The following EMID1 variants were observed in gnomAD, a reference collection of about 807,000 sequenced individuals.
EMID1 encodes EMI domain-containing protein 1.
In EMID1, 40 loss-of-function variants were observed where a neutral mutation model predicts 60.6. That is an observed-to-expected ratio of 0.66 (90% confidence interval 0.51 to 0.86). The LOEUF (loss-of-function observed/expected upper bound fraction) is 0.86, where lower values mean the gene tolerates loss of function less well. EMID1 is among the 40% of genes least tolerant of loss of function. The pLI, the probability that EMID1 is intolerant of heterozygous loss-of-function variation, is 0.00. For synonymous variants in EMID1, 242 were observed against 231.0 expected (o/e 1.05, Z -0.43); for missense variants, 585 against 597.1 (o/e 0.98, Z 0.21).
intron 13 of EMID1, among the ~76,000 whole-genome samples, chr22:29,253,683 G>T (rs2041602890): frequency 6.6e-6 from 1 of 152,154 alleles, no homozygotes; most frequent in African/African-American, 2.4e-5. Context: ...TATTCATTTG[G>T]GCATAAGTGG....
chr22:29,213,641 T>TC lies in EMID1; in HGVS notation c.102-1284dup, dbSNP rs528138036. Among the ~76,000 whole-genome samples, 9 of 152,182 alleles carry TC rather than the reference T, an allele frequency of 5.9e-5. No homozygotes were observed. In the South Asian group the frequency reaches 1.5e-3, roughly 25 times the overall value. ...GTGAAGGCCGGGACATTCCAGGTGC[T>TC]CAGCAGCCCTCAGCCCTGCACAGGG... is the stretch of plus-strand genomic sequence containing the variant. On this transcript the variant is annotated intron_variant, in intron 1 of 14. Transcript: ENST00000334018.
chr22:29,232,310 G>A lies in EMID1; in HGVS notation c.731G>A (p.Gly244Glu), dbSNP rs1166228917. The change falls in exon 8 of 15, where the codon GGA becomes GAA. Residue 244 changes from glycine to glutamate, a missense_variant. Coordinates refer to ENST00000334018, the MANE Select transcript of EMID1 (RefSeq NM_133455.4). ...CGGGCTGGAGCTGTGGGCACCCCTGGAGAGAGGGGACCTCCTGGGCCACCA... is the reference window on the plus strand; with the variant it reads ...CGGGCTGGAGCTGTGGGCACCCCTGAAGAGAGGGGACCTCCTGGGCCACCA... ...PGRAGAVGTP[G>E]ERGPPGPPGP... The A allele has an allele frequency of 1.9e-6, 3 of 1,610,878 alleles. No homozygotes were observed. Among genetic ancestry groups the A allele is most frequent in the Non-Finnish European group, 2.5e-6 (3 of 1,179,590 alleles).
At chr22:29,237,104 T>TTAGAATTTCC (rs1232350146) in intron 12 of EMID1, among the ~76,000 whole-genome samples, 2 of 111,698 alleles carry the variant, frequency 1.8e-5, no homozygotes, top group African/African-American at 9.1e-5. Flanking sequence ...TACTATTTTC[T>TTAGAATTTCC]ATTTGTTTTC....
intron 3 of EMID1, among the ~76,000 whole-genome samples, chr22:29,222,238 C>T (rs1290589151): frequency 2.6e-5 from 4 of 152,044 alleles, no homozygotes; most frequent in African/African-American, 9.7e-5. Flanking sequence ...GGACTACAGG[C>T]ATGCGCCACC....
At chr22:29,254,138 G>A (rs1015727632) in intron 13 of EMID1, 65 bp from the exon 14 acceptor site, 41 of 1,607,946 alleles carry the variant, frequency 2.5e-5, no homozygotes, top group Non-Finnish European at 3.2e-5. Flanking sequence ...ATGGGCCACC[G>A]ACGGGCTTTG....
chr22:29,217,294 G>C (rs1218609365), intron 3 of EMID1, among the ~76,000 whole-genome samples: 1 of 152,252 alleles, frequency 6.6e-6, no homozygotes, highest in East Asian at 1.9e-4. Context: ...GCCAAGGGCT[G>C]GGGGCTCTGC....
intron 14 of EMID1, among the ~76,000 whole-genome samples, chr22:29,257,347 G>A (rs887826059): frequency 3.3e-5 from 5 of 152,166 alleles, no homozygotes; most frequent in African/African-American, 7.2e-5. Context: ...CAGCTGCCAC[G>A]TGTCTGGCCC....
intron 14 of EMID1, 23 bp from the exon 15 acceptor site, chr22:29,258,792 CCT>C (rs1569014393): frequency 6.2e-7 from 1 of 1,612,400 alleles, no homozygotes; most frequent in South Asian, 1.1e-5. Context: ...TCTAATGTGG[CCT>C]CTCTCCTTCT....
At chr22:29,218,180 C>G (rs970654782) in intron 3 of EMID1, among the ~76,000 whole-genome samples, 2 of 152,256 alleles carry the variant, frequency 1.3e-5, no homozygotes, top group Admixed American at 1.3e-4. Context: ...CCGCCTACCC[C>G]ATGCTGGGGA....
chr22:29,247,897 C>T (rs1290356076), intron 13 of EMID1, among the ~76,000 whole-genome samples: 2 of 151,472 alleles, frequency 1.3e-5, no homozygotes, highest in African/African-American at 4.9e-5. Context: ...TCCCAAAGTG[C>T]TGGAATTACA....
In EMID1 at chr22:29,253,743, G is replaced by C. The variant is rs114055003; in HGVS notation, c.1120-460G>C. Among the ~76,000 whole-genome samples, 769 of 152,312 alleles carry C rather than the reference G, an allele frequency of 5.0e-3. 8 individuals are homozygous for C. The highest frequency in any genetic ancestry group is 0.018 in the African/African-American group (731 of 41,552). The stretch of plus-strand genomic sequence containing the variant: ...CACTGATCGGAGTAATTAGGGTGAG[G>C]CTAATGTGGTGATTTAAAGCAAAAA... On this transcript the variant is annotated intron_variant, in intron 13 of 14. Coordinates refer to ENST00000334018, the MANE Select transcript of EMID1 (RefSeq NM_133455.4).
chr22:29,243,281 C>T (rs1268058804), intron 12 of EMID1, among the ~76,000 whole-genome samples, 164 bp from the exon 13 acceptor site: 2 of 152,180 alleles, frequency 1.3e-5, no homozygotes, highest in African/African-American at 4.8e-5. Flanking sequence ...TATTACTTTC[C>T]GTTGCCTTCA....
chr22:29,232,736 T>A, intron 8 of EMID1: 1 of 259,166 alleles, frequency 3.9e-6, no homozygotes, highest in Non-Finnish European at 7.3e-6. Context: ...CTCGGAACAC[T>A]GGGACGCAAA....
intron 1 of EMID1, among the ~76,000 whole-genome samples, chr22:29,211,628 G>A (rs1426579030): frequency 6.6e-6 from 1 of 152,190 alleles, no homozygotes; most frequent in African/African-American, 2.4e-5. Flanking sequence ...ATTTGCTCCT[G>A]TGTGCCTGTG....
At chr22:29,232,777 T>C in intron 8 of EMID1, 1 of 203,356 alleles carries the variant, frequency 4.9e-6, no homozygotes, top group Non-Finnish European at 9.9e-6. Flanking sequence ...AGTCCTGAAC[T>C]CCCAAGGCCA....
At chr22:29,215,765 G>A in intron 3 of EMID1, 135 bp downstream of exon 3, 2 of 706,670 alleles carry the variant, frequency 2.8e-6, no homozygotes, top group East Asian at 5.4e-5. Context: ...ACAGAGCCTG[G>A]CTCAGACACA....
chr22:29,216,687 C>T, intron 3 of EMID1: 3 of 981,370 alleles, frequency 3.1e-6, no homozygotes, highest in South Asian at 9.4e-5. Context: ...CTCAACAGCC[C>T]AGTTCACAGA....
At chr22:29,215,485 G>A (rs1455425240) in intron 2 of EMID1, 42 bp from the exon 3 acceptor site, 2 of 1,584,192 alleles carry the variant, frequency 1.3e-6, no homozygotes, top group Middle Eastern at 1.7e-4. Flanking sequence ...GAGAGGTCAT[G>A]GAGGACCCTG....
intron 1 of EMID1, among the ~76,000 whole-genome samples, chr22:29,209,259 A>G (rs1444828385): frequency 6.6e-6 from 1 of 152,126 alleles, no homozygotes; most frequent in African/African-American, 2.4e-5. Context: ...GGCCGGTGCC[A>G]GGCTGAGCTG....
Sources: gnomAD v4.1 joint callset for allele counts (sites outside exome capture counted in the v4.1 genomes callset) on GRCh38, gnomAD v4.1.1 for gene constraint, MANE v1.5 for transcripts, NCBI Gene and HGNC (gene_info 2026-07-23, HGNC 2026-07-21) for gene names.